Variants in ELMOD2 observed in about 807,000 individuals in gnomAD.
The protein encoded by ELMOD2 is ELMO domain-containing protein 2.
In ELMOD2, 28 loss-of-function variants were observed where a neutral mutation model predicts 41.0. The observed-to-expected ratio is 0.68, with a 90% CI of 0.51 to 0.94. ELMOD2 has a LOEUF of 0.94. Ranked by LOEUF, ELMOD2 falls within the 40% of genes least tolerant of loss-of-function variation. The pLI is 0.00. For missense variants in ELMOD2, 333 were observed against 343.1 expected (o/e 0.97, Z 0.23); for synonymous variants, 106 against 107.2 (o/e 0.99, Z 0.07).
chr4:140,543,600 T>G lies in ELMOD2; in HGVS notation c.736+14T>G, dbSNP rs772133657. On this transcript the variant is annotated intron_variant, in intron 8 of 8. Transcript: ENST00000323570. ...ATCAGTTTTACTGTGAGTATTAAAA[T>G]GAGTTAAAACTAGATCTTTCTAAGA... The G allele has an allele frequency of 3.2e-6, 5 of 1,565,114 alleles. No individual in the cohort carries two copies. The highest frequency in any genetic ancestry group is 2.1e-5 in the Admixed American group (1 of 47,906).
chr4:140,527,644 C>A, intron 3 of ELMOD2, 150 bp downstream of exon 3: 1 of 613,508 alleles, frequency 1.6e-6, no homozygotes, highest in Non-Finnish European at 2.8e-6. Context: ...TGTTTTCAAA[C>A]ATTTCTCTAT....
At chr4:140,540,791 A>G (rs1348007576) in intron 6 of ELMOD2, among the ~76,000 whole-genome samples, 1 of 149,664 alleles carries the variant, frequency 6.7e-6, no homozygotes, top group African/African-American at 2.4e-5. Flanking sequence ...TGTGTATGTG[A>G]TTTCTTTACT....
At chr4:140,537,149 A>G (rs1734954933) in intron 4 of ELMOD2, among the ~76,000 whole-genome samples, 1 of 152,198 alleles carries the variant, frequency 6.6e-6, no homozygotes, top group African/African-American at 2.4e-5. Context: ...AGGATTGCCC[A>G]GAGAAAACAT....
Position 140,551,319 on chromosome 4 carries a change from T to C in ELMOD2, c.*944T>C, listed in dbSNP as rs564407955. 64 of 152,246 alleles carry C rather than the reference T, an allele frequency of 4.2e-4. No individual in the cohort carries two copies. The highest frequency in any genetic ancestry group is 1.4e-3 in the African/African-American group (57 of 41,570). 9.4% of individuals were successfully genotyped at this position (152,246 alleles called of 1,614,324 possible). ...AGCTTAAGTTTTAAAAAAATCTCAGTTAAACATCATTGGTTTATTTGACTT... is the reference window on the plus strand; with the variant it reads ...AGCTTAAGTTTTAAAAAAATCTCAGCTAAACATCATTGGTTTATTTGACTT... On this transcript the variant is annotated 3_prime_UTR_variant, in exon 9 of 9. Coordinates refer to ENST00000323570, the MANE Select transcript of ELMOD2 (RefSeq NM_153702.4).
In ELMOD2 at chr4:140,550,552, CA is replaced by C. The variant is rs1735441911; in HGVS notation, c.*178del. 2 of 573,244 alleles carry C rather than the reference CA, an allele frequency of 3.5e-6. No individual in the cohort carries two copies. The highest frequency in any genetic ancestry group is 3.9e-5 in the African/African-American group (2 of 51,604). The allele number at this position is 573,244 out of a possible 1,614,324, so 35.5% of individuals were successfully genotyped here. A position where few individuals can be genotyped will look rare whatever the true frequency, so the allele number is the denominator to read the frequency against. The stretch of plus-strand genomic sequence containing the variant: ...CAGTGTATGTTTACAATTGTTTATA[CA>C]CTGTTCTCCAAAGGTACCTTATCCT... On this transcript the variant is annotated 3_prime_UTR_variant, in exon 9 of 9. Coordinates refer to ENST00000323570, the MANE Select transcript of ELMOD2 (RefSeq NM_153702.4).
Position 140,553,281 on chromosome 4 carries a change from T to C in ELMOD2, c.*2906T>C, listed in dbSNP as rs894276034. On this transcript the variant is annotated 3_prime_UTR_variant, in exon 9 of 9. Transcript: ENST00000323570. ...TGGCACAGAAGATAGGAGGTTTGAC[T>C]TGGTGGGCCATAATGTTTATTATCC... The C allele has an allele frequency of 6.6e-6, 1 of 152,256 alleles. No individual in the cohort carries two copies. The highest frequency in any genetic ancestry group is 1.9e-4 in the East Asian group (1 of 5,188). 9.4% of individuals were successfully genotyped at this position (152,256 alleles called of 1,614,324 possible). A position where few individuals can be genotyped will look rare whatever the true frequency, so the allele number is the denominator to read the frequency against.
chr4:140,542,673 C>G, intron 7 of ELMOD2, 31 bp downstream of exon 7: 5 of 1,477,908 alleles, frequency 3.4e-6, no homozygotes, highest in Non-Finnish European at 4.7e-6. Flanking sequence ...AAGCCGTAAT[C>G]TCTTGCATTT....
rs1387636238 is a variant in ELMOD2, at chr4:140,552,345, C to A, written c.*1970C>A. 1 of 151,988 alleles carries A rather than the reference C, an allele frequency of 6.6e-6. No individual in the cohort carries two copies. Among genetic ancestry groups the A allele is most frequent in the East Asian group, 1.9e-4 (1 of 5,200 alleles). 9.4% of individuals were successfully genotyped at this position (151,988 alleles called of 1,614,324 possible). On this transcript the variant is annotated 3_prime_UTR_variant, in exon 9 of 9. Coordinates refer to ENST00000323570, the MANE Select transcript of ELMOD2 (RefSeq NM_153702.4). ...AGAAAATGTCATTATAGAGCTTGCT[C>A]AATAATATGTTCTTTAAATCCACCT...
intron 8 of ELMOD2, among the ~76,000 whole-genome samples, chr4:140,546,111 A>G (rs927823427): frequency 7.2e-5 from 11 of 152,180 alleles, no homozygotes; most frequent in African/African-American, 2.7e-4. Flanking sequence ...GATAGACTGG[A>G]TTAAGAAAAT....
Position 140,552,664 on chromosome 4 carries a change from T to TA in ELMOD2, c.*2290dup, listed in dbSNP as rs1202511405. 1.3e-5 allele frequency: 2 copies of TA among 152,142 alleles called. No homozygotes were observed. The highest frequency in any genetic ancestry group is 4.8e-5 in the African/African-American group (2 of 41,454). 9.4% of individuals were successfully genotyped at this position (152,142 alleles called of 1,614,324 possible). A position where few individuals can be genotyped will look rare whatever the true frequency, so the allele number is the denominator to read the frequency against. On this transcript the variant is annotated 3_prime_UTR_variant, in exon 9 of 9. Coordinates refer to ENST00000323570, the MANE Select transcript of ELMOD2 (RefSeq NM_153702.4). ...GTCTTAAAATCCATATTTAGAATCTTACCTGTTTCTATAATAATTAGTAAA... is the reference window on the plus strand; with the variant it reads ...GTCTTAAAATCCATATTTAGAATCTTAACCTGTTTCTATAATAATTAGTAAA...
intron 8 of ELMOD2, among the ~76,000 whole-genome samples, chr4:140,545,441 A>G (rs1735244041): frequency 6.6e-6 from 1 of 152,146 alleles, no homozygotes. Flanking sequence ...TAAATGCCAA[A>G]ATGTATATCT....
intron 5 of ELMOD2, among the ~76,000 whole-genome samples, chr4:140,538,864 G>T (rs1281401762): frequency 2.0e-5 from 3 of 152,134 alleles, no homozygotes; most frequent in Non-Finnish European, 4.4e-5. Context: ...GAATTTCCAG[G>T]AATGGAACCC....
intron 8 of ELMOD2, among the ~76,000 whole-genome samples, chr4:140,549,672 GTAC>G (rs1164647958): frequency 2.5e-4 from 29 of 118,160 alleles, no homozygotes; most frequent in African/African-American, 8.9e-4. Context: ...TCTTTTGAAA[GTAC>G]TACATCTTTT....
intron 8 of ELMOD2, among the ~76,000 whole-genome samples, chr4:140,543,986 C>T (rs1735187773): frequency 6.6e-6 from 1 of 152,042 alleles, no homozygotes; most frequent in African/African-American, 2.4e-5. Context: ...AACTTTTCGC[C>T]TCCCCCTGCC....
chr4:140,535,903 G>GT, intron 4 of ELMOD2, 73 bp downstream of exon 4: 1 of 1,353,746 alleles, frequency 7.4e-7, no homozygotes, highest in Non-Finnish European at 1.0e-6. Flanking sequence ...ACACACTGTT[G>GT]TAACACTTTA....
intron 6 of ELMOD2, among the ~76,000 whole-genome samples, chr4:140,541,458 A>G (rs1484888304): frequency 6.6e-6 from 1 of 152,188 alleles, no homozygotes; most frequent in Non-Finnish European, 1.5e-5. Context: ...TAGTTTGACT[A>G]TTAAAATGCA....
At chr4:140,540,123 C>T (rs903228205) in intron 5 of ELMOD2, 45 bp from the exon 6 acceptor site, 13 of 1,595,786 alleles carry the variant, frequency 8.1e-6, no homozygotes, top group Non-Finnish European at 1.1e-5. Context: ...TAGTTACAAG[C>T]TATGAGAAAG....
At chr4:140,524,642 C>G (rs1046627331) in intron 1 of ELMOD2, 2 of 985,364 alleles carry the variant, frequency 2.0e-6, no homozygotes, top group Admixed American at 6.1e-5. Context: ...GACAGTCCCT[C>G]CTCAGGCCCT....
At chr4:140,547,929 A>G (rs1735344607) in intron 8 of ELMOD2, among the ~76,000 whole-genome samples, 1 of 152,210 alleles carries the variant, frequency 6.6e-6, no homozygotes, top group African/African-American at 2.4e-5. Context: ...TGGGATTCTT[A>G]TGCCAAGGAT....
Sources: gnomAD v4.1 joint callset for allele counts (sites outside exome capture counted in the v4.1 genomes callset) on GRCh38, gnomAD v4.1.1 for gene constraint, MANE v1.5 for transcripts, NCBI Gene and HGNC (gene_info 2026-07-23, HGNC 2026-07-21) for gene names.